Variants in SELENOI observed in about 807,000 individuals in gnomAD.
The protein encoded by SELENOI is ethanolaminephosphotransferase 1.
Under a neutral mutation model 50.7 loss-of-function variants are expected in SELENOI, and 24 were observed. That is an observed-to-expected ratio of 0.47 (90% CI 0.34 to 0.67). The LOEUF (loss-of-function observed/expected upper bound fraction) is 0.67, where lower values mean the gene tolerates loss of function less well. Ranked by LOEUF, SELENOI falls within the 30% of genes least tolerant of loss-of-function variation. SELENOI has a pLI of 0.01. For missense variants in SELENOI, 352 were observed against 461.4 expected, an observed-to-expected ratio of 0.76 and a Z score of 2.17; for synonymous variants, 155 against 170.2, an observed-to-expected ratio of 0.91 and a Z score of 0.70.
At chr2:26,380,603 G>C (rs1178112756) in intron 6 of SELENOI, among the ~76,000 whole-genome samples, 1 of 152,126 alleles carries the variant, frequency 6.6e-6, no homozygotes, top group African/African-American at 2.4e-5. Context: ...TTGTACATCA[G>C]TCTTTTCATA....
At chr2:26,366,737 T>C (rs1677293552) in intron 3 of SELENOI, among the ~76,000 whole-genome samples, 1 of 152,238 alleles carries the variant, frequency 6.6e-6, no homozygotes, top group South Asian at 2.1e-4. Context: ...GTCTTTTGTT[T>C]AGCTAATTAA....
intron 6 of SELENOI, among the ~76,000 whole-genome samples, chr2:26,380,726 A>AT (rs1677673620): frequency 6.6e-6 from 1 of 152,070 alleles, no homozygotes; most frequent in African/African-American, 2.4e-5. Flanking sequence ...GGGTTGTGTG[A>AT]TTTTCTGTTC....
At position 26,351,051 on chromosome 2, in the gene SELENOI, G is replaced by GTTTTT. The variant is rs201345011; in HGVS notation, c.57+4765_57+4766insTTTTT. Among the ~76,000 whole-genome samples, 53 of 102,046 alleles carry GTTTTT rather than the reference G, an allele frequency of 5.2e-4. 1 individual carries two copies. The highest frequency in any genetic ancestry group is 2.3e-3 in the African/African-American group (41 of 18,008). 66.9% of individuals were successfully genotyped at this position (102,046 alleles called of 152,430 possible). ...GTAGAGAATTGGTTGTTCACTGTTT[G>GTTTTT]TTTGTTTTTTTTTTTTTTTTTTTTT... On this transcript the variant is annotated intron_variant, in intron 1 of 9. Coordinates refer to ENST00000260585, the MANE Select transcript of SELENOI (RefSeq NM_033505.4).
At chr2:26,385,953 T>G (rs1381896256) in intron 8 of SELENOI, among the ~76,000 whole-genome samples, 1 of 152,154 alleles carries the variant, frequency 6.6e-6, no homozygotes, top group African/African-American at 2.4e-5. Context: ...GGGACTGAAT[T>G]GGAGATAGCA....
At chr2:26,380,087 C>A (rs746579519) in intron 6 of SELENOI, among the ~76,000 whole-genome samples, 1 of 152,150 alleles carries the variant, frequency 6.6e-6, no homozygotes, top group Non-Finnish European at 1.5e-5. Flanking sequence ...ATTTATACAT[C>A]TAGGTTTATT....
chr2:26,383,231 C>A (rs1200502708), intron 6 of SELENOI, 68 bp from the exon 7 acceptor site: 4 of 1,198,174 alleles, frequency 3.3e-6, no homozygotes, highest in Admixed American at 6.6e-5. Context: ...ATTTGTTTTG[C>A]ATGATTCAGT....
chr2:26,365,014 T>C, intron 3 of SELENOI, 74 bp downstream of exon 3: 3 of 1,109,242 alleles, frequency 2.7e-6, no homozygotes, highest in African/African-American at 1.6e-5. Flanking sequence ...TTTCTGGTTT[T>C]GTTAAAATGT....
intron 1 of SELENOI, among the ~76,000 whole-genome samples, chr2:26,356,990 C>T (rs995203190): frequency 2.6e-5 from 4 of 152,046 alleles, no homozygotes; most frequent in African/African-American, 4.8e-5. Context: ...TACAGTCTTT[C>T]GTTTTCTCTC....
chr2:26,389,250 T>C lies in SELENOI; in HGVS notation c.*147T>C. 1 of 620,904 alleles carries C rather than the reference T, an allele frequency of 1.6e-6. No individual in the cohort carries two copies. The allele number at this position is 620,904 out of a possible 1,614,324, so 38.5% of individuals were successfully genotyped here. A position where few individuals can be genotyped will look rare whatever the true frequency, so the allele number is the denominator to read the frequency against. ...CAGGAATGATACATATAATCTGAAC[T>C]TGGGAAATTTTGGACCTACTAACTC... On this transcript the variant is annotated 3_prime_UTR_variant, in exon 10 of 10. Coordinates refer to ENST00000260585, the MANE Select transcript of SELENOI (RefSeq NM_033505.4).
chr2:26,370,744 AC>A (rs1320495263), intron 4 of SELENOI, among the ~76,000 whole-genome samples: 6 of 108,602 alleles, frequency 5.5e-5, no homozygotes, highest in African/African-American at 1.8e-4. Context: ...CGGGGGGCTG[AC>A]CCCCCCACCT....
intron 4 of SELENOI, among the ~76,000 whole-genome samples, chr2:26,367,899 A>G (rs1677318808): frequency 6.6e-6 from 1 of 152,186 alleles, no homozygotes; most frequent in African/African-American, 2.4e-5. Context: ...ATTTTTCTCC[A>G]TAGCACTTAA....
intron 7 of SELENOI, among the ~76,000 whole-genome samples, chr2:26,383,914 G>A (rs972987573): frequency 1.6e-4 from 25 of 152,110 alleles, no homozygotes; most frequent in Non-Finnish European, 2.6e-4. Context: ...AATTCTGAAT[G>A]TGTGTAGTTT....
At chr2:26,373,660 T>G (rs374132674) in intron 5 of SELENOI, 31 bp downstream of exon 5, 22 of 1,599,540 alleles carry the variant, frequency 1.4e-5, no homozygotes, top group African/African-American at 1.3e-4. Context: ...AAATTTTCAG[T>G]ATTACCATGA....
At chr2:26,350,898 T>C (rs1387049629) in intron 1 of SELENOI, among the ~76,000 whole-genome samples, 1 of 152,142 alleles carries the variant, frequency 6.6e-6, no homozygotes. Context: ...GATAGACCTA[T>C]TGTAGTCAAA....
At chr2:26,378,084 TTGGGGGTCTCC>T (rs796747712) in intron 6 of SELENOI, among the ~76,000 whole-genome samples, 2 of 152,332 alleles carry the variant, frequency 1.3e-5, no homozygotes, top group African/African-American at 4.8e-5. Context: ...GCCAGGTCTC[TTGGGGGTCTCC>T]TTTGTGTCTG....
chr2:26,353,390 A>G (rs1467664910), intron 1 of SELENOI, among the ~76,000 whole-genome samples: 1 of 152,052 alleles, frequency 6.6e-6, no homozygotes, highest in Non-Finnish European at 1.5e-5. Flanking sequence ...AGATACGAAC[A>G]CTTTTCCTTT....
At position 26,375,120 on chromosome 2, in the gene SELENOI, T is replaced by C. The variant is rs998520984; in HGVS notation, c.654T>C (p.Tyr218=). 1.2e-6 allele frequency: 2 copies of C among 1,610,816 alleles called. No individual in the cohort carries two copies. Among genetic ancestry groups the C allele is most frequent in the Admixed American group, 1.7e-5 (1 of 59,946 alleles). ...WYEPFLFNFL[Y]RDLFTAMIIG... ...AACCTTTCCTGTTTAATTTCTTATA[T>C]AGAGACCTATTCACTGCAATGATTA... The change falls in exon 6 of 10, where the codon TAT becomes TAC. Residue 218 remains tyrosine, a synonymous_variant. Coordinates refer to ENST00000260585, the MANE Select transcript of SELENOI (RefSeq NM_033505.4).
At position 26,395,286 on chromosome 2, in the gene SELENOI, C is replaced by T. The variant is rs1050842778; in HGVS notation, c.*6183C>T. ...GGAGTTCATCTGCATGTGGCCCTTA[C>T]TCTGAAGCCTCTTCCTGATCTGGAG... On this transcript the variant is annotated 3_prime_UTR_variant, in exon 10 of 10. Transcript: ENST00000260585. 7 of 152,232 alleles carry T rather than the reference C, an allele frequency of 4.6e-5. No individual in the cohort carries two copies. The highest frequency in any genetic ancestry group is 1.4e-4 in the African/African-American group (6 of 41,454). 9.4% of individuals were successfully genotyped at this position (152,232 alleles called of 1,614,324 possible). A position where few individuals can be genotyped will look rare whatever the true frequency, so the allele number is the denominator to read the frequency against.
chr2:26,370,954 T>C (rs62128665), intron 4 of SELENOI, among the ~76,000 whole-genome samples: 455 of 38,942 alleles, frequency 0.012, 1 homozygote, highest in Middle Eastern at 0.019. Flanking sequence ...CCCTCCCGGA[T>C]GGGGCGGCTG....
Sources: allele counts gnomAD v4.1 joint callset (sites outside exome capture counted in the v4.1 genomes callset), GRCh38; gene constraint gnomAD v4.1.1; transcripts MANE v1.5; gene names NCBI Gene and HGNC (gene_info 2026-07-23, HGNC 2026-07-21).